Variants in SLC12A1 observed in about 807,000 individuals in gnomAD.
The protein encoded by SLC12A1 is Na-K-2Cl cotransporter.
SLC12A1 carries 89 observed loss-of-function variants against 130.4 expected under a neutral mutation model. That is an observed-to-expected ratio of 0.68 (90% CI 0.58 to 0.81). The LOEUF is 0.81. Ranked by LOEUF, SLC12A1 falls within the 40% of genes least tolerant of loss-of-function variation. The pLI is 0.00. For synonymous variants in SLC12A1, 499 were observed against 460.0 expected, an observed-to-expected ratio of 1.08 and a Z score of -1.09; for missense variants, 1,310 against 1,336.4, an observed-to-expected ratio of 0.98 and a Z score of 0.31.
At chr15:48,235,197 CA>C in intron 9 of SLC12A1, 193 bp downstream of exon 9, 1 of 671,790 alleles carries the variant, frequency 1.5e-6, no homozygotes, top group Non-Finnish European at 2.7e-6. Context: ...ATAATTCTTC[CA>C]AAAGTCTTAT....
rs772144467 is a variant in SLC12A1 at position 48,207,837 on chromosome 15, A to G, written c.118A>G (p.Thr40Ala). The G allele has an allele frequency of 2.0e-5, 32 of 1,613,912 alleles. No individual in the cohort carries two copies. In the Admixed American group the frequency reaches 3.7e-4, roughly 18 times the overall value. Residue 40 changes from threonine to alanine, a missense_variant, in exon 2 of 27, where the codon ACT becomes GCT. Coordinates refer to ENST00000380993, the MANE Select transcript of SLC12A1 (RefSeq NM_000338.3). ...HESSAAADDN[T>A]DPPHYEETSF... ...GAGCAGTGCAGCTGCAGATGACAATACTGACCCACCACATTATGAAGAAAC... is the reference window on the plus strand; with the variant it reads ...GAGCAGTGCAGCTGCAGATGACAATGCTGACCCACCACATTATGAAGAAAC...
chr15:48,261,334 T>C (rs1029409176), intron 17 of SLC12A1, among the ~76,000 whole-genome samples: 3 of 152,204 alleles, frequency 2.0e-5, no homozygotes, highest in Non-Finnish European at 2.9e-5. Flanking sequence ...TTAACTATAA[T>C]ACAGGAGGAT....
chr15:48,234,888 G>T lies in SLC12A1; in HGVS notation c.1099G>T (p.Ala367Ser), dbSNP rs371294005. The T allele has an allele frequency of 6.2e-7, 1 of 1,613,630 alleles. No individual in the cohort carries two copies. The highest frequency in any genetic ancestry group is 8.5e-7 in the Non-Finnish European group (1 of 1,179,754). The change falls in exon 9 of 27, where the codon GCA (alanine) becomes TCA (serine). Residue 367 changes from alanine to serine, a missense_variant. Coordinates refer to ENST00000380993, the MANE Select transcript of SLC12A1 (RefSeq NM_000338.3). ...GFFNYQASIF[A>S]ENFGPRFTKG... The stretch of plus-strand genomic sequence containing the variant: ...AATTTATGTTGCAGCATCAATATTT[G>T]CAGAAAACTTTGGGCCACGCTTCAC...
chr15:48,244,000 A>T (rs149376533), intron 10 of SLC12A1, among the ~76,000 whole-genome samples: 1 of 152,382 alleles, frequency 6.6e-6, no homozygotes, highest in African/African-American at 2.4e-5. Context: ...TGATTAAAAT[A>T]TATATCAAGA....
chr15:48,297,501 C>A (rs1006591874), intron 24 of SLC12A1, among the ~76,000 whole-genome samples: 4 of 152,244 alleles, frequency 2.6e-5, no homozygotes, highest in African/African-American at 9.6e-5. Flanking sequence ...AGACAACCAG[C>A]AACCTCTACT....
chr15:48,211,249 A>G (rs565005204), intron 2 of SLC12A1, among the ~76,000 whole-genome samples: 2 of 152,336 alleles, frequency 1.3e-5, no homozygotes, highest in Admixed American at 6.5e-5. Context: ...AGCCAGGCCC[A>G]TTCTAGTGTT....
intron 5 of SLC12A1, chr15:48,226,919 G>A: frequency 3.2e-6 from 2 of 615,466 alleles, no homozygotes; most frequent in Non-Finnish European, 5.8e-6. Flanking sequence ...GTACATTTCA[G>A]GTGCTTCCTA....
intron 17 of SLC12A1, 25 bp from the exon 18 acceptor site, chr15:48,267,536 A>C: frequency 6.2e-6 from 10 of 1,612,688 alleles, no homozygotes; most frequent in Non-Finnish European, 8.5e-6. Context: ...CAGGGTTCTA[A>C]CCAATATTTC....
At chr15:48,294,327 G>A (rs1413815969) in intron 24 of SLC12A1, among the ~76,000 whole-genome samples, 1 of 131,950 alleles carries the variant, frequency 7.6e-6, no homozygotes, top group Non-Finnish European at 1.5e-5. Flanking sequence ...CAGCCTGGGC[G>A]ACAGAGCAAG....
At chr15:48,231,489 G>C (rs1401016657) in intron 7 of SLC12A1, among the ~76,000 whole-genome samples, 3 of 152,112 alleles carry the variant, frequency 2.0e-5, no homozygotes, top group Admixed American at 2.0e-4. Flanking sequence ...AGCATTTAAA[G>C]CTCCAGCTCT....
At chr15:48,229,854 T>C (rs567949620) in intron 6 of SLC12A1, among the ~76,000 whole-genome samples, 1 of 152,316 alleles carries the variant, frequency 6.6e-6, no homozygotes, top group East Asian at 1.9e-4. Context: ...TTCTAGTCCT[T>C]TTCTCATAGT....
intron 24 of SLC12A1, among the ~76,000 whole-genome samples, chr15:48,293,610 A>G (rs1216064859): frequency 6.6e-6 from 1 of 151,988 alleles, no homozygotes; most frequent in Non-Finnish European, 1.5e-5. Context: ...ATTTATTGCT[A>G]TTCTATATGA....
intron 17 of SLC12A1, among the ~76,000 whole-genome samples, chr15:48,263,079 T>C (rs182787136): frequency 3.3e-5 from 5 of 152,348 alleles, no homozygotes; most frequent in East Asian, 1.9e-4. Context: ...AGAAGTCTTA[T>C]GGGATCAGTT....
At chr15:48,301,503 G>GCGGGGGA (rs1555387783) in intron 26 of SLC12A1, 121 bp downstream of exon 26, 8 of 442,810 alleles carry the variant, frequency 1.8e-5, no homozygotes, top group South Asian at 3.1e-5. Context: ...TGTTTTTTTT[G>GCGGGGGA]GGGGGGGGAA....
Position 48,262,032 on chromosome 15 carries a change from ATATTGT to A in SLC12A1, c.2154+2728_2154+2733del, listed in dbSNP as rs200177022. ...TCAATTAACTTTCATTGTTATTGTGATATTGTTATTGTCAATATCATTATTTTTGGT... is the reference window on the plus strand; with the variant it reads ...TCAATTAACTTTCATTGTTATTGTGATATTGTCAATATCATTATTTTTGGT... On this transcript the variant is annotated intron_variant, in intron 17 of 26. Transcript: ENST00000380993. Among the ~76,000 whole-genome samples, 743 of 152,264 alleles carry A rather than the reference ATATTGT, an allele frequency of 4.9e-3. 8 individuals carry two copies. The highest frequency in any genetic ancestry group is 0.044 in the Middle Eastern group (13 of 294).
At chr15:48,283,298 C>T (rs768396483) in intron 20 of SLC12A1, among the ~76,000 whole-genome samples, 12 of 152,226 alleles carry the variant, frequency 7.9e-5, no homozygotes, top group Non-Finnish European at 1.6e-4. Context: ...ACGGGAAATC[C>T]GAGGCATAGA....
intron 4 of SLC12A1, chr15:48,225,858 G>A: frequency 1.0e-6 from 1 of 980,024 alleles, no homozygotes; most frequent in Non-Finnish European, 1.2e-6. Flanking sequence ...TGAGGTCTTG[G>A]TGTGATTATC....
At chr15:48,277,063 T>G (rs542059261) in intron 20 of SLC12A1, among the ~76,000 whole-genome samples, 13 of 152,166 alleles carry the variant, frequency 8.5e-5, no homozygotes, top group Non-Finnish European at 1.3e-4. Flanking sequence ...GCAGAGAATA[T>G]GGATGTAGCC....
In SLC12A1 at chr15:48,288,056, C is replaced by A. The variant is rs149766108; in HGVS notation, c.2643C>A (p.Asn881Lys). 204 of 1,610,888 alleles carry A rather than the reference C, an allele frequency of 1.3e-4. No individual in the cohort carries two copies. The highest frequency in any genetic ancestry group is 1.7e-4 in the Non-Finnish European group (197 of 1,178,672). The change falls in exon 22 of 27, where the codon AAC becomes AAA. Residue 881 changes from asparagine to lysine, a missense_variant. Physicochemically the swap from Asn to Lys is moderately conservative, Grantham distance 94. Coordinates refer to ENST00000380993, the MANE Select transcript of SLC12A1 (RefSeq NM_000338.3). ...KTTPKKDGSINTSQSMHVGEF... is the reference protein window; with the variant it reads ...KTTPKKDGSIKTSQSMHVGEF... ...CTTTCGTTTCAGATGGCAGCATTAA[C>A]ACAAGCCAGTCGATGCATGTGGGAG...
Sources: gnomAD v4.1 joint callset for allele counts (sites outside exome capture counted in the v4.1 genomes callset) on GRCh38, gnomAD v4.1.1 for gene constraint, MANE v1.5 for transcripts, NCBI Gene and HGNC (gene_info 2026-07-23, HGNC 2026-07-21) for gene names.